SCRG1: variants seen among roughly 807,000 people sequenced by gnomAD.
SCRG1 encodes the protein stimulator of chondrogenesis 1, also known as scrapie-responsive protein 1.
Under a neutral mutation model 7.7 loss-of-function variants are expected in SCRG1, and 3 were observed. That is an observed-to-expected ratio of 0.39 (90% confidence interval 0.18 to 1.01). SCRG1 has a LOEUF of 1.01. SCRG1 is among the 50% of genes least tolerant of loss of function. The probability of loss-of-function intolerance (pLI) is 0.36; values close to 1 mark genes in which losing one functional copy is unlikely to be tolerated. For missense variants in SCRG1, 110 were observed against 117.2 expected (o/e 0.94, Z 0.28); for synonymous variants, 46 against 41.2 (o/e 1.12, Z -0.44).
the SCRG1 span, among the ~76,000 whole-genome samples, chr4:173,423,455 C>T: frequency 1.3e-5 from 2 of 152,026 alleles, no homozygotes; most frequent in Admixed American, 6.6e-5. Context: ...TCCAGTCTTC[C>T]CTAATCAGTT....
the SCRG1 span, among the ~76,000 whole-genome samples, chr4:173,509,714 C>T: frequency 3.3e-5 from 5 of 152,104 alleles, no homozygotes; most frequent in African/African-American, 4.8e-5. This position sits in a 1 kb window ranked among gnomAD's most constrained non-coding sequence, Gnocchi z 5.7. Context: ...GTCCGCGCCC[C>T]TCCCCACCCC....
chr4:173,483,911 AAT>A, the SCRG1 span, among the ~76,000 whole-genome samples: 3 of 103,490 alleles, frequency 2.9e-5, no homozygotes, highest in Admixed American at 3.0e-4. Flanking sequence ...TATTTCATAT[AAT>A]ATATGTTATA....
the SCRG1 span, among the ~76,000 whole-genome samples, chr4:173,492,671 G>A: frequency 6.6e-6 from 1 of 152,240 alleles, no homozygotes; most frequent in Non-Finnish European, 1.5e-5. Flanking sequence ...AGACTAGACA[G>A]TGGGCCATGG....
At chr4:173,457,173 A>C in the SCRG1 span, among the ~76,000 whole-genome samples, 10 of 152,348 alleles carry the variant, frequency 6.6e-5, no homozygotes, top group South Asian at 1.9e-3. Flanking sequence ...ACATCTGCAG[A>C]GGAAAGTGTA....
chr4:173,484,380 T>G, the SCRG1 span, among the ~76,000 whole-genome samples: 3 of 31,364 alleles, frequency 9.6e-5, no homozygotes, highest in African/African-American at 3.0e-4. Flanking sequence ...TTATATATTA[T>G]GTATATTTTA....
the SCRG1 span, among the ~76,000 whole-genome samples, chr4:173,492,370 C>T: frequency 9.2e-5 from 14 of 152,140 alleles, 1 homozygote; most frequent in South Asian, 1.0e-3. Context: ...GGATTGTTGA[C>T]GACCTCTCCT....
At chr4:173,494,182 CCA>C in the SCRG1 span, among the ~76,000 whole-genome samples, 1 of 152,108 alleles carries the variant, frequency 6.6e-6, no homozygotes, top group African/African-American at 2.4e-5. Flanking sequence ...ACGTGCACAC[CCA>C]GGCGCGAGTG....
chr4:173,427,087 G>T, the SCRG1 span, among the ~76,000 whole-genome samples: 2 of 152,198 alleles, frequency 1.3e-5, no homozygotes, highest in African/African-American at 4.8e-5. Flanking sequence ...AACAGGGCCA[G>T]GCACTGCCTA....
the SCRG1 span, among the ~76,000 whole-genome samples, chr4:173,498,718 A>G: frequency 5.1e-4 from 78 of 152,296 alleles, no homozygotes; most frequent in Non-Finnish European, 2.6e-4. Flanking sequence ...AATTAATAAT[A>G]CATCTGTATA....
chr4:173,396,961 G>A (rs546394532), intron 1 of SCRG1, among the ~76,000 whole-genome samples: 163 of 152,216 alleles, frequency 1.1e-3, no homozygotes, highest in African/African-American at 3.9e-3. Context: ...GCTGAGGCAG[G>A]AGAATCACTT....
At chr4:173,404,530 A>G (rs763043592) in intron 1 of SCRG1, 8 of 152,236 alleles carry the variant, frequency 5.3e-5, no homozygotes, top group South Asian at 4.1e-4. Context: ...CACTCAGTAA[A>G]TATTTGTTAA....
At chr4:173,485,265 A>G in the SCRG1 span, among the ~76,000 whole-genome samples, 1 of 137,786 alleles carries the variant, frequency 7.3e-6, no homozygotes, top group Non-Finnish European at 1.5e-5. Context: ...ATGTCATGTG[A>G]CTTCTCAGCC....
chr4:173,460,903 T>C, the SCRG1 span, among the ~76,000 whole-genome samples: 4 of 152,156 alleles, frequency 2.6e-5, no homozygotes, highest in Admixed American at 2.6e-4. Flanking sequence ...CCTTGGGCCT[T>C]AGGAGATCAA....
chr4:173,415,771 G>A, the SCRG1 span, among the ~76,000 whole-genome samples: 3 of 152,076 alleles, frequency 2.0e-5, no homozygotes, highest in Admixed American at 2.0e-4. Context: ...ATCTCTTCTG[G>A]TCAGTTTTAT....
chr4:173,514,185 C>T, the SCRG1 span, among the ~76,000 whole-genome samples: 1 of 152,184 alleles, frequency 6.6e-6, no homozygotes, highest in Admixed American at 6.5e-5. Flanking sequence ...CACACTAGTC[C>T]TCTCCTCCCT....
the SCRG1 span, among the ~76,000 whole-genome samples, chr4:173,505,706 C>T: frequency 1.3e-5 from 2 of 152,236 alleles, no homozygotes; most frequent in African/African-American, 4.8e-5. This position sits in a 1 kb window ranked among gnomAD's most constrained non-coding sequence, Gnocchi z 4.4. Flanking sequence ...AAAGCATTCT[C>T]TCTAGAGTGT....
chr4:173,448,128 C>CA, the SCRG1 span, among the ~76,000 whole-genome samples: 8 of 152,020 alleles, frequency 5.3e-5, no homozygotes, highest in African/African-American at 1.9e-4. Context: ...CCAAACAAAC[C>CA]AAAAAAACCC....
At chr4:173,483,985 A>G in the SCRG1 span, among the ~76,000 whole-genome samples, 1 of 36,146 alleles carries the variant, frequency 2.8e-5, no homozygotes, top group Non-Finnish European at 5.9e-5. Context: ...TATATAGTAT[A>G]TTATATATGA....
the SCRG1 span, among the ~76,000 whole-genome samples, chr4:173,512,929 C>CT: frequency 6.6e-6 from 1 of 152,202 alleles, no homozygotes; most frequent in East Asian, 1.9e-4. Context: ...TGCCTGGAGT[C>CT]TATCAAGTCT....
Sources: gnomAD v4.1 joint callset for allele counts (sites outside exome capture counted in the v4.1 genomes callset) on GRCh38, gnomAD v4.1.1 for gene constraint, Gnocchi (gnomAD v3.1) non-coding constraint, MANE v1.5 for transcripts, NCBI Gene and HGNC (gene_info 2026-07-23, HGNC 2026-07-21) for gene names.